Variants in MECR observed in about 807,000 individuals in gnomAD.
MECR encodes enoyl-[acyl-carrier-protein] reductase, mitochondrial.
In MECR, 37 loss-of-function variants were observed where a neutral mutation model predicts 49.1. The ratio of observed to expected loss-of-function variants is 0.75; its 90% confidence interval spans 0.58 to 0.99. The LOEUF (loss-of-function observed/expected upper bound fraction) is 0.99, where lower values mean the gene tolerates loss of function less well. Among genes scored for constraint, MECR ranks in the 50% least tolerant of loss-of-function variants. The pLI is 0.00. For synonymous variants in MECR, 198 were observed against 191.1 expected (o/e 1.04, Z -0.30); for missense variants, 470 against 479.6 (o/e 0.98, Z 0.19).
intron 3 of MECR, among the ~76,000 whole-genome samples, chr1:29,214,289 G>C (rs550500016): frequency 3.3e-5 from 5 of 151,754 alleles, no homozygotes; most frequent in Non-Finnish European, 7.4e-5. Context: ...TCAAACTCCT[G>C]ACCTCAGGTG....
chr1:29,215,779 G>A (rs757655387), intron 3 of MECR, among the ~76,000 whole-genome samples: 8 of 152,162 alleles, frequency 5.3e-5, no homozygotes, highest in Admixed American at 5.2e-4. Flanking sequence ...GCTGAGGCAG[G>A]AGAATCACTT....
chr1:29,173,398 C>A, the MECR span: 1 of 151,038 alleles, frequency 6.6e-6, no homozygotes, highest in African/African-American at 2.4e-5. Flanking sequence ...CCCGCCTCGG[C>A]CTCCCAAAGT....
chr1:29,169,125 C>T, the MECR span: 1 of 152,198 alleles, frequency 6.6e-6, no homozygotes, highest in African/African-American at 2.4e-5. Context: ...AAGCATTATG[C>T]TAAGTGCTTT....
At position 29,227,669 on chromosome 1, in the gene MECR, C is replaced by G. The variant is rs1003441826; in HGVS notation, c.176+3062G>C. On this transcript the variant is annotated intron_variant, in intron 1 of 9. Transcript: ENST00000263702. ...GCATCACAAACCACACTAGTTCTGA[C>G]AATGCTCTGTTCAGACTCTAGGTAG... 2.0e-5 allele frequency among the ~76,000 whole-genome samples: 3 copies of G among 152,202 alleles called. No homozygotes were observed. The East Asian group carries it at 5.8e-4, about 29-fold the overall frequency.
downstream of MECR, among the ~76,000 whole-genome samples, chr1:29,192,114 G>A (rs1673155794): frequency 6.6e-6 from 1 of 151,960 alleles, no homozygotes; most frequent in Non-Finnish European, 1.5e-5. Flanking sequence ...AACATTCCGA[G>A]CCAGTTTTTT....
At position 29,201,975 on chromosome 1, in the gene MECR, G is replaced by T; in HGVS notation, c.724C>A (p.Leu242Ile). The change falls in exon 6 of 10, where the codon CTA (leucine) becomes ATA (isoleucine). Residue 242 changes from leucine (L) to isoleucine (I), a missense_variant. By Grantham distance (5) the Leu-to-Ile change is conservative. Coordinates refer to ENST00000263702, the MANE Select transcript of MECR (RefSeq NM_016011.5). The surrounding 1 kb of genome is among the most constrained non-coding windows in gnomAD (Gnocchi z 4.3). ...AAGTTTTTCATTTCGGGCCTTCTTA[G>T]CTCCTCTTCTGTGATGACATGCTCA... ...GAEHVITEEE[L>I]RRPEMKNFFK... 1 of 1,614,154 alleles carries T rather than the reference G, an allele frequency of 6.2e-7. No homozygotes were observed. Among genetic ancestry groups the T allele is most frequent in the Non-Finnish European group, 8.5e-7 (1 of 1,180,032 alleles).
In MECR at chr1:29,198,261, C is replaced by A. The variant is rs370290818; in HGVS notation, c.831-2003G>T. ...CAGGCCACGAACTGGTACTGGTCTG[C>A]GGCCTGGGGGCTGGGGACCCGTGTT... On this transcript the variant is annotated intron_variant, in intron 7 of 9. Transcript: ENST00000263702. Among the ~76,000 whole-genome samples the A allele has an allele frequency of 4.6e-5, 7 of 152,324 alleles. 1 individual carries two copies. The South Asian group carries it at 1.2e-3, about 27-fold the overall frequency.
At chr1:29,183,448 A>T in the MECR span, among the ~76,000 whole-genome samples, 3 of 152,152 alleles carry the variant, frequency 2.0e-5, no homozygotes, top group Admixed American at 6.5e-5. Flanking sequence ...TATTTGGGTC[A>T]GAGTTTTGAT....
intron 4 of MECR, 53 bp downstream of exon 4, chr1:29,206,709 T>G: frequency 6.2e-7 from 1 of 1,600,176 alleles, no homozygotes; most frequent in Non-Finnish European, 8.5e-7. Flanking sequence ...AGGATGTGAG[T>G]GGCACCCTAG....
At chr1:29,174,148 C>T in the MECR span, among the ~76,000 whole-genome samples, 1 of 150,112 alleles carries the variant, frequency 6.7e-6, no homozygotes, top group African/African-American at 2.5e-5. Context: ...GAGATCATGC[C>T]ACTGCACTGC....
the MECR span, among the ~76,000 whole-genome samples, chr1:29,187,473 A>C: frequency 6.6e-6 from 1 of 151,298 alleles, no homozygotes; most frequent in Non-Finnish European, 1.5e-5. Flanking sequence ...AGCCTCCCCA[A>C]GTGCTGGGTT....
At chr1:29,211,038 T>C (rs1001549578) in intron 3 of MECR, among the ~76,000 whole-genome samples, 1 of 152,098 alleles carries the variant, frequency 6.6e-6, no homozygotes, top group Admixed American at 6.6e-5. Flanking sequence ...GTCAGCAAAC[T>C]GTGGCCTGTG....
the MECR span, chr1:29,170,553 T>G: frequency 6.6e-6 from 1 of 152,180 alleles, no homozygotes; most frequent in Non-Finnish European, 1.5e-5. Flanking sequence ...CTGGAGTCTG[T>G]TTCTTCATTT....
At chr1:29,213,802 C>T (rs1029780875) in intron 3 of MECR, among the ~76,000 whole-genome samples, 1 of 152,260 alleles carries the variant, frequency 6.6e-6, no homozygotes, top group African/African-American at 2.4e-5. Flanking sequence ...ACTGTTATAT[C>T]ACCTGCAAAG....
At chr1:29,178,353 C>CTTTTTTT in the MECR span, among the ~76,000 whole-genome samples, 16 of 127,906 alleles carry the variant, frequency 1.3e-4, no homozygotes, top group South Asian at 2.5e-3. Context: ...GTTTCAATTA[C>CTTTTTTT]TTTTTTTTTT....
chr1:29,190,258 C>T (rs1397490767), downstream of MECR, among the ~76,000 whole-genome samples: 1 of 152,076 alleles, frequency 6.6e-6, no homozygotes, highest in African/African-American at 2.4e-5. Context: ...GCCTGTAGTC[C>T]CAGCTATTCG....
chr1:29,190,909 G>A (rs938052441), downstream of MECR, among the ~76,000 whole-genome samples: 1 of 152,020 alleles, frequency 6.6e-6, no homozygotes, highest in African/African-American at 2.4e-5. Flanking sequence ...GAGAAACAGT[G>A]TTTATTCCGG....
chr1:29,211,088 G>GTTTT (rs112758931), intron 3 of MECR, among the ~76,000 whole-genome samples: 25 of 144,112 alleles, frequency 1.7e-4, no homozygotes, highest in Non-Finnish European at 1.5e-4. Context: ...TAAATAAAGG[G>GTTTT]TTTTTTTTTT....
chr1:29,187,547 G>A, the MECR span, among the ~76,000 whole-genome samples: 1 of 151,736 alleles, frequency 6.6e-6, no homozygotes, highest in East Asian at 2.0e-4. Context: ...GTCTTCCCCT[G>A]AGGAAAGTGT....
Sources: gnomAD v4.1 joint callset for allele counts (sites outside exome capture counted in the v4.1 genomes callset) on GRCh38, gnomAD v4.1.1 for gene constraint, Gnocchi (gnomAD v3.1) non-coding constraint, MANE v1.5 for transcripts, NCBI Gene and HGNC (gene_info 2026-07-23, HGNC 2026-07-21) for gene names.